PRUNE2: variants seen among roughly 807,000 people sequenced by gnomAD.
PRUNE2 encodes the protein protein prune homolog 2.
Under a neutral mutation model 252.0 loss-of-function variants are expected in PRUNE2, and 164 were observed. The observed-to-expected ratio is 0.65, with a 90% CI of 0.57 to 0.74. The LOEUF is 0.74. Ranked by LOEUF, PRUNE2 falls within the 30% of genes least tolerant of loss-of-function variation. PRUNE2 has a pLI of 0.00. For missense variants in PRUNE2, 3,495 were observed against 3,711.0 expected (o/e 0.94, Z 1.51); for synonymous variants, 1,292 against 1,350.2 (o/e 0.96, Z 0.94).
At chr9:76,837,363 A>G (rs1328537974) in intron 4 of PRUNE2, among the ~76,000 whole-genome samples, 1 of 151,524 alleles carries the variant, frequency 6.6e-6, no homozygotes. Context: ...AATTGCTTGA[A>G]CCCGGGAGGC....
At chr9:76,740,787 G>C (rs1006223692) in intron 6 of PRUNE2, among the ~76,000 whole-genome samples, 3 of 152,144 alleles carry the variant, frequency 2.0e-5, no homozygotes, top group Admixed American at 2.0e-4. Flanking sequence ...AATTCCTCTA[G>C]TTATCAGGCA....
intron 1 of PRUNE2, among the ~76,000 whole-genome samples, chr9:76,855,061 T>C (rs1181568079): frequency 2.8e-5 from 2 of 71,692 alleles, no homozygotes; most frequent in African/African-American, 1.5e-4. Context: ...CAAGACTCCA[T>C]CTCAAAAAAA....
chr9:76,818,340 G>A (rs2057820399), intron 6 of PRUNE2, among the ~76,000 whole-genome samples: 1 of 152,186 alleles, frequency 6.6e-6, no homozygotes, highest in African/African-American at 2.4e-5. Context: ...GCTTCACTGA[G>A]GCCTGAGTAA....
At chr9:76,825,110 G>C (rs2058269600) in intron 5 of PRUNE2, among the ~76,000 whole-genome samples, 1 of 151,730 alleles carries the variant, frequency 6.6e-6, no homozygotes, top group Non-Finnish European at 1.5e-5. Flanking sequence ...GGCTTTCCTT[G>C]GCCACCAGAG....
intron 18 of PRUNE2, among the ~76,000 whole-genome samples, chr9:76,618,122 T>C (rs1002497984): frequency 1.3e-5 from 2 of 152,208 alleles, no homozygotes; most frequent in Non-Finnish European, 2.9e-5. Context: ...TTTTTAAAAT[T>C]TTATTTAGAA....
At chr9:76,692,146 C>A in intron 9 of PRUNE2, 1 of 717,454 alleles carries the variant, frequency 1.4e-6, no homozygotes, top group South Asian at 1.5e-5. Context: ...CAGCATCTCT[C>A]TTCTGAGCAG....
At chr9:76,693,367 A>T (rs956887796) in intron 9 of PRUNE2, among the ~76,000 whole-genome samples, 10 of 151,118 alleles carry the variant, frequency 6.6e-5, no homozygotes, top group Admixed American at 6.6e-4. Context: ...ACCTAACTCT[A>T]ATGGAATGGG....
Position 76,709,126 on chromosome 9 carries a change from G to C in PRUNE2, c.3148C>G (p.Leu1050Val), listed in dbSNP as rs1253603636. The C allele has an allele frequency of 6.2e-7, 1 of 1,613,932 alleles. No homozygotes were observed. The highest frequency in any genetic ancestry group is 1.7e-5 in the Admixed American group (1 of 60,022). The part of the protein sequence containing the change: ...NSSEINTTHN[L>V]DENELKTEHT... ...TCTGTCTTGAGTTCATTTTCATCCA[G>C]GTTGTGAGTGGTATTTATTTCAGAA... Residue 1050 changes from leucine (L) to valine (V), a missense_variant, in exon 8 of 19, where the codon CTG (leucine) becomes GTG (valine). By Grantham distance (32) the Leu-to-Val change is conservative. Transcript: ENST00000376718.
rs1449207823 is a variant in PRUNE2 at position 76,705,803 on chromosome 9, A to G, written c.6471T>C (p.Asn2157=). 3 of 1,613,812 alleles carry G rather than the reference A, an allele frequency of 1.9e-6. No homozygotes were observed. The highest frequency in any genetic ancestry group is 1.7e-5 in the Admixed American group (1 of 60,008). Residue 2157 remains asparagine (N), a synonymous_variant, in exon 8 of 19, where the codon AAT becomes AAC. Coordinates refer to ENST00000376718, the MANE Select transcript of PRUNE2 (RefSeq NM_015225.3). ...YEPGREFVPS[N]AELDSENATV... ...TTGCGTTTTCAGAATCGAGTTCTGC[A>G]TTGGATGGGACAAACTCCCGTCCAG...
At chr9:76,810,783 A>G (rs2057306336) in intron 6 of PRUNE2, among the ~76,000 whole-genome samples, 1 of 152,202 alleles carries the variant, frequency 6.6e-6, no homozygotes, top group Non-Finnish European at 1.5e-5. Flanking sequence ...TAGGGAACCA[A>G]TTCAGTATTG....
intron 15 of PRUNE2, among the ~76,000 whole-genome samples, chr9:76,630,293 G>A (rs1012108870): frequency 2.1e-5 from 3 of 142,788 alleles, no homozygotes; most frequent in Non-Finnish European, 3.0e-5. Context: ...TAGGTTGAAC[G>A]TTTATTCTGG....
Position 76,644,840 on chromosome 9 carries a change from C to T in PRUNE2, c.8627G>A (p.Arg2876Gln), listed in dbSNP as rs1844133034. 8 of 1,613,794 alleles carry T rather than the reference C, an allele frequency of 5.0e-6. No homozygotes were observed. Among genetic ancestry groups the T allele is most frequent in the Admixed American group, 1.7e-5 (1 of 59,992 alleles). Residue 2876 changes from arginine to glutamine, a missense_variant, in exon 12 of 19, where the codon CGG becomes CAG. Arg to Gln is a conservative substitution (Grantham distance 43, BLOSUM62 1). Coordinates refer to ENST00000376718, the MANE Select transcript of PRUNE2 (RefSeq NM_015225.3). ...SIPEYTAEEE[R>Q]EDNRLWRTVV... ...TGTCCTCCAAAGCCGGTTGTCCTCCCGTTCCTCTTCGGCCGTATATTCTGG... is the reference window on the plus strand; with the variant it reads ...TGTCCTCCAAAGCCGGTTGTCCTCCTGTTCCTCTTCGGCCGTATATTCTGG...
chr9:76,882,080 T>C (rs2061824400), intron 1 of PRUNE2, among the ~76,000 whole-genome samples: 1 of 152,118 alleles, frequency 6.6e-6, no homozygotes, highest in African/African-American at 2.4e-5. Context: ...CTTCACCTAT[T>C]CTTTCAAGGG....
At position 76,658,466 on chromosome 9, in the gene PRUNE2, C is replaced by T. The variant is rs935087845; in HGVS notation, c.8277-2964G>A. Among the ~76,000 whole-genome samples, 17 of 152,332 alleles carry T rather than the reference C, an allele frequency of 1.1e-4. 1 individual carries two copies. The highest frequency in any genetic ancestry group is 6.2e-4 in the South Asian group (3 of 4,828). On this transcript the variant is annotated intron_variant, in intron 9 of 18. Transcript: ENST00000376718. ...GCAAATCTAAGAGAAACCCAAGTCA[C>T]GCTCTTTGTAAATACTTCAACCACA... is the stretch of plus-strand genomic sequence containing the variant.
chr9:76,617,019 A>C (rs1830065277), intron 18 of PRUNE2, among the ~76,000 whole-genome samples: 1 of 151,880 alleles, frequency 6.6e-6, no homozygotes, highest in Non-Finnish European at 1.5e-5. Context: ...TTTTGGAAAA[A>C]AGAATACTTT....
At position 76,646,796 on chromosome 9, in the gene PRUNE2, C is replaced by T. The variant is rs564733332; in HGVS notation, c.8558-1887G>A. On this transcript the variant is annotated intron_variant, in intron 11 of 18. Transcript: ENST00000376718. ...CAGACCCTCTTCATCCTGTTTGGTA[C>T]CCTCTGACCTGCTCTAGCTTTACCC... is the stretch of plus-strand genomic sequence containing the variant. 3.3e-5 allele frequency among the ~76,000 whole-genome samples: 5 copies of T among 152,230 alleles called. No homozygotes were observed. In the East Asian group the frequency reaches 9.6e-4, roughly 29 times the overall value.
intron 6 of PRUNE2, among the ~76,000 whole-genome samples, chr9:76,802,255 T>C (rs2056610981): frequency 6.6e-6 from 1 of 152,166 alleles, no homozygotes; most frequent in South Asian, 2.1e-4. Context: ...GAAGACCCCT[T>C]GGCGATTTAT....
rs890021359 is a variant in PRUNE2, at chr9:76,612,913, A to G, written c.*1657T>C. 4 of 152,160 alleles carry G rather than the reference A, an allele frequency of 2.6e-5. No homozygotes were observed. The highest frequency in any genetic ancestry group is 9.7e-5 in the African/African-American group (4 of 41,444). The allele number at this position is 152,160 out of a possible 1,614,324, so 9.4% of individuals were successfully genotyped here. A position where few individuals can be genotyped will look rare whatever the true frequency, so the allele number is the denominator to read the frequency against. On this transcript the variant is annotated 3_prime_UTR_variant, in exon 19 of 19. Coordinates refer to ENST00000376718, the MANE Select transcript of PRUNE2 (RefSeq NM_015225.3). ...TCCCCAATGAATTTTCCACCATGAG[A>G]CTAGGGTGGAACCGCTCTCACCCCT...
intron 1 of PRUNE2, among the ~76,000 whole-genome samples, chr9:76,874,007 T>C (rs952415915): frequency 2.6e-5 from 4 of 152,310 alleles, no homozygotes; most frequent in Middle Eastern, 3.4e-3. Flanking sequence ...GCAACTTATC[T>C]TGTCACTGCA....
Sources: gnomAD v4.1 joint callset for allele counts (sites outside exome capture counted in the v4.1 genomes callset) on GRCh38, gnomAD v4.1.1 for gene constraint, MANE v1.5 for transcripts, NCBI Gene and HGNC (gene_info 2026-07-23, HGNC 2026-07-21) for gene names.